Variants in OXLD1 observed in about 807,000 individuals in gnomAD.
The protein encoded by OXLD1 is oxidoreductase like domain containing 1, also known as oxidoreductase-like domain-containing protein 1.
In OXLD1, 4 loss-of-function variants were observed where a neutral mutation model predicts 3.1. The observed-to-expected ratio is 1.28, with a 90% CI of 0.63 to 2.92. The LOEUF (loss-of-function observed/expected upper bound fraction) is 2.92. Among genes scored for constraint, OXLD1 ranks in the 30% most tolerant of loss-of-function variants. The pLI is 0.01. For missense variants in OXLD1, 240 were observed against 204.6 expected, an observed-to-expected ratio of 1.17 and a Z score of -1.05; for synonymous variants, 100 against 87.0, an observed-to-expected ratio of 1.15 and a Z score of -0.83.
rs780016417 is a variant in OXLD1, at chr17:81,666,560, C to T, written c.18G>A (p.Val6=). The T allele has an allele frequency of 7.3e-6, 11 of 1,502,142 alleles. No individual in the cohort carries two copies. The highest frequency in any genetic ancestry group is 1.8e-6 in the Non-Finnish European group (2 of 1,131,942). The allele number at this position is 1,502,142 out of a possible 1,614,324, so 93.1% of individuals were successfully genotyped here. Residue 6 remains valine (V), a synonymous_variant, in exon 1 of 2, where the codon GTG becomes GTA. Coordinates refer to ENST00000374741, the MANE Select transcript of OXLD1 (RefSeq NM_001039842.3). ...CGGCTACCGCCCGGCCTCCCTCGAC[C>T]ACCCTCCGCAGCAGCATCGCCCGCG... MLLRR[V]VEGGRAVAAA...
At chr17:81,666,459 C>G in intron 1 of OXLD1, 59 bp downstream of exon 1, 2 of 1,514,156 alleles carry the variant, frequency 1.3e-6, no homozygotes, top group East Asian at 2.6e-5. Flanking sequence ...TGCGGGCCCC[C>G]GGACAGCGGC....
chr17:81,665,310 TG>T lies in OXLD1; in HGVS notation c.334del (p.Gln112ArgfsTer71). ...EYADRLLQHF[Q>X]DGGERALAAL... ...AGCCAGGGCCCGCTCCCCACCGTCC[TG>T]GAAGTGCTGCAGCAGCCTGTCCGCG... On this transcript the variant is annotated frameshift_variant, in exon 2 of 2. Coordinates refer to ENST00000374741, the MANE Select transcript of OXLD1 (RefSeq NM_001039842.3). LOFTEE classifies it high-confidence loss of function. 6.2e-7 allele frequency: 1 copy of T among 1,613,508 alleles called. No individual in the cohort carries two copies. Among genetic ancestry groups the T allele is most frequent in the East Asian group, 2.2e-5 (1 of 44,870 alleles).
chr17:81,665,418 G>C lies in OXLD1; in HGVS notation c.227C>G (p.Pro76Arg). The C allele has an allele frequency of 2.5e-6, 4 of 1,613,502 alleles. No homozygotes were observed. The highest frequency in any genetic ancestry group is 3.4e-6 in the Non-Finnish European group (4 of 1,180,032). ...GAGCTCAGGTGGCAGCGATGCCTTG[G>C]GCGGCCTGGTGCCGTCCGCACCTGC... The part of the protein sequence containing the change: ...SQAGADGTRP[P>R]KASLPPELQP... Residue 76 changes from proline (P) to arginine (R), a missense_variant, in exon 2 of 2, where the codon CCC becomes CGC. Coordinates refer to ENST00000374741, the MANE Select transcript of OXLD1 (RefSeq NM_001039842.3).
intron 1 of OXLD1, 199 bp from the exon 2 acceptor site, chr17:81,665,783 T>C: frequency 1.6e-6 from 1 of 628,708 alleles, no homozygotes; most frequent in Admixed American, 3.3e-5. Flanking sequence ...GTCATGGGTA[T>C]GACACGGTGT....
At chr17:81,665,628 G>A (rs768934605) in intron 1 of OXLD1, 44 bp from the exon 2 acceptor site, 1 of 1,534,404 alleles carries the variant, frequency 6.5e-7, no homozygotes, top group South Asian at 1.2e-5. Context: ...AAGCTGGTGA[G>A]GCCCGGTCTA....
In OXLD1 at chr17:81,665,273, C is replaced by T; in HGVS notation, c.372G>A (p.Glu124=). ...GGERALAALE[E]HVADENLKAF... is the part of the protein sequence containing the mutation. ...CCTTGAGGTTCTCATCAGCCACGTG[C>T]TCCTCCAGGGCAGCCAGGGCCCGCT... Residue 124 remains glutamate (E), a synonymous_variant, in exon 2 of 2, where the codon GAG becomes GAA. Coordinates refer to ENST00000374741, the MANE Select transcript of OXLD1 (RefSeq NM_001039842.3). 1 of 1,613,636 alleles carries T rather than the reference C, an allele frequency of 6.2e-7. No homozygotes were observed. Among genetic ancestry groups the T allele is most frequent in the Non-Finnish European group, 8.5e-7 (1 of 1,180,028 alleles).
rs1218208476 is a variant in OXLD1, at chr17:81,665,299, C to G, written c.346G>C (p.Glu116Gln). The G allele has an allele frequency of 1.2e-6, 2 of 1,613,558 alleles. No homozygotes were observed. Among genetic ancestry groups the G allele is most frequent in the Non-Finnish European group, 1.7e-6 (2 of 1,180,024 alleles). The change falls in exon 2 of 2, where the codon GAG becomes CAG. Residue 116 changes from glutamate (E) to glutamine (Q), a missense_variant. Coordinates refer to ENST00000374741, the MANE Select transcript of OXLD1 (RefSeq NM_001039842.3). Reference protein sequence around the residue: ...RLLQHFQDGGERALAALEEHV... With the variant: ...RLLQHFQDGGQRALAALEEHV... ...TCCTCCAGGGCAGCCAGGGCCCGCTCCCCACCGTCCTGGAAGTGCTGCAGC... is the reference window on the plus strand; with the variant it reads ...TCCTCCAGGGCAGCCAGGGCCCGCTGCCCACCGTCCTGGAAGTGCTGCAGC...
rs531995903 is a variant in OXLD1, at chr17:81,665,461, C to T, written c.184G>A (p.Val62Ile). The T allele has an allele frequency of 5.6e-6, 9 of 1,613,338 alleles. No homozygotes were observed. Among genetic ancestry groups the T allele is most frequent in the Non-Finnish European group, 6.8e-6 (8 of 1,180,036 alleles). Residue 62 changes from valine (V) to isoleucine (I), a missense_variant, in exon 2 of 2, where the codon GTA (valine) becomes ATA (isoleucine). Val to Ile is a conservative substitution (Grantham distance 29, BLOSUM62 3). Coordinates refer to ENST00000374741, the MANE Select transcript of OXLD1 (RefSeq NM_001039842.3). ...GCACCTGCTTGGGAGCCCACCTCTA[C>T]GTGGTCTGTCCCGAATTTTCTGCGC... is the stretch of plus-strand genomic sequence containing the variant. ...DGRRKFGTDHVEVGSQAGADG... is the reference protein window; with the variant it reads ...DGRRKFGTDHIEVGSQAGADG...
intron 1 of OXLD1, chr17:81,665,983 CTCTGAGGGA>C (rs1370000849): frequency 7.9e-6 from 3 of 380,788 alleles, no homozygotes; most frequent in Admixed American, 4.3e-5. Flanking sequence ...GCCCCACCAC[CTCTGAGGGA>C]CCAACCGGAA....
chr17:81,665,926 A>G (rs1294473122), intron 1 of OXLD1: 3 of 394,736 alleles, frequency 7.6e-6, no homozygotes, highest in Non-Finnish European at 1.4e-5. Flanking sequence ...GAGAGGTGTA[A>G]CCCTGTAAGC....
chr17:81,665,411 T>C lies in OXLD1; in HGVS notation c.234A>G (p.Ala78=). ...GCGGCTGGAGCTCAGGTGGCAGCGA[T>C]GCCTTGGGCGGCCTGGTGCCGTCCG... The part of the protein sequence containing the change: ...AGADGTRPPK[A]SLPPELQPPT... Residue 78 remains alanine, a synonymous_variant, in exon 2 of 2, where the codon GCA becomes GCG. Coordinates refer to ENST00000374741, the MANE Select transcript of OXLD1 (RefSeq NM_001039842.3). 1 of 1,613,564 alleles carries C rather than the reference T, an allele frequency of 6.2e-7. No individual in the cohort carries two copies. Among genetic ancestry groups the C allele is most frequent in the Non-Finnish European group, 8.5e-7 (1 of 1,180,032 alleles).
Position 81,666,563 on chromosome 17 carries a change from C to T in OXLD1, c.15G>A (p.Arg5=). 3 of 1,498,232 alleles carry T rather than the reference C, an allele frequency of 2.0e-6. No homozygotes were observed. The highest frequency in any genetic ancestry group is 2.2e-4 in the Middle Eastern group (1 of 4,568). 92.8% of individuals were successfully genotyped at this position (1,498,232 alleles called of 1,614,324 possible). A position where few individuals can be genotyped will look rare whatever the true frequency, so the allele number is the denominator to read the frequency against. MLLR[R]VVEGGRAVAA... ...CTACCGCCCGGCCTCCCTCGACCACCCTCCGCAGCAGCATCGCCCGCGGAC... is the reference window on the plus strand; with the variant it reads ...CTACCGCCCGGCCTCCCTCGACCACTCTCCGCAGCAGCATCGCCCGCGGAC... Residue 5 remains arginine (R), a synonymous_variant, in exon 1 of 2, where the codon AGG becomes AGA. Transcript: ENST00000374741.
At position 81,665,354 on chromosome 17, in the gene OXLD1, G is replaced by C; in HGVS notation, c.291C>G (p.Asn97Lys). Reference sequence around the variant, plus strand: ...TGTCCGCGTACTCCACCCACACGCAGTTGGGGCAGCCACTCATGCAGCAGT... The same window carrying C: ...TGTCCGCGTACTCCACCCACACGCACTTGGGGCAGCCACTCATGCAGCAGT... ...PTNCCMSGCP[N>K]CVWVEYADRL... The change falls in exon 2 of 2, where the codon AAC becomes AAG. Residue 97 changes from asparagine (N) to lysine (K), a missense_variant. Physicochemically the swap from Asn to Lys is moderately conservative, Grantham distance 94. Transcript: ENST00000374741. 6.2e-7 allele frequency: 1 copy of C among 1,613,502 alleles called. No homozygotes were observed. The highest frequency in any genetic ancestry group is 8.5e-7 in the Non-Finnish European group (1 of 1,180,034).
At chr17:81,666,235 G>C (rs945728060) in intron 1 of OXLD1, 6 of 487,764 alleles carry the variant, frequency 1.2e-5, no homozygotes, top group Non-Finnish European at 1.5e-5. Flanking sequence ...CTCGCACACA[G>C]GCGCTCGGCA....
In OXLD1 at chr17:81,665,040, G is replaced by T; in HGVS notation, c.*161C>A. The T allele has an allele frequency of 9.9e-7, 1 of 1,013,252 alleles. No individual in the cohort carries two copies. Among genetic ancestry groups the T allele is most frequent in the Non-Finnish European group, 1.4e-6 (1 of 729,848 alleles). The allele number at this position is 1,013,252 out of a possible 1,614,324, so 62.8% of individuals were successfully genotyped here. On this transcript the variant is annotated 3_prime_UTR_variant, in exon 2 of 2. Coordinates refer to ENST00000374741, the MANE Select transcript of OXLD1 (RefSeq NM_001039842.3). Reference sequence around the variant, plus strand: ...ACCACCCCCAAAACAAAAACCTCCTGTGAAACCACCATAGAGAATTTATTT... The same window carrying T: ...ACCACCCCCAAAACAAAAACCTCCTTTGAAACCACCATAGAGAATTTATTT...
chr17:81,666,531 G>T lies in OXLD1; in HGVS notation c.47C>A (p.Ala16Glu). The change falls in exon 1 of 2, where the codon GCG (alanine) becomes GAG (glutamate). Residue 16 changes from alanine (A) to glutamate (E), a missense_variant. By Grantham distance (107) the Ala-to-Glu change is moderately radical (BLOSUM62 -1). Coordinates refer to ENST00000374741, the MANE Select transcript of OXLD1 (RefSeq NM_001039842.3). ...VVEGGRAVAAAVRGSGARRFS... is the reference protein window; with the variant it reads ...VVEGGRAVAAEVRGSGARRFS... Reference sequence around the variant, plus strand: ...CCTGGTACTTGCCGAGCCACGGACCGCGGCGGCTACCGCCCGGCCTCCCTC... The same window carrying T: ...CCTGGTACTTGCCGAGCCACGGACCTCGGCGGCTACCGCCCGGCCTCCCTC... 1 of 1,523,938 alleles carries T rather than the reference G, an allele frequency of 6.6e-7. No homozygotes were observed. Among genetic ancestry groups the T allele is most frequent in the Admixed American group, 2.0e-5 (1 of 50,228 alleles). 94.4% of individuals were successfully genotyped at this position (1,523,938 alleles called of 1,614,324 possible). A position where few individuals can be genotyped will look rare whatever the true frequency, so the allele number is the denominator to read the frequency against.
intron 1 of OXLD1, 127 bp downstream of exon 1, chr17:81,666,391 G>T: frequency 8.6e-7 from 1 of 1,164,748 alleles, no homozygotes; most frequent in South Asian, 1.5e-5. Context: ...GCCAGCGCGC[G>T]ATCCTCCCGG....
In OXLD1 at chr17:81,666,506, C is replaced by CCTG; in HGVS notation, c.60+9_60+11dup. The CCTG allele has an allele frequency of 6.5e-7, 1 of 1,527,840 alleles. No individual in the cohort carries two copies. The allele number at this position is 1,527,840 out of a possible 1,614,324, so 94.6% of individuals were successfully genotyped here. On this transcript the variant is annotated intron_variant, in intron 1 of 1. Transcript: ENST00000374741. The stretch of plus-strand genomic sequence containing the variant: ...GCCCTTCGGCGCTGCCAAGACCCGT[C>CCTG]CTGGTACTTGCCGAGCCACGGACCG...
At chr17:81,666,236 G>C (rs1433789042) in intron 1 of OXLD1, 1 of 487,828 alleles carries the variant, frequency 2.0e-6, no homozygotes, top group Admixed American at 4.1e-5. Context: ...TCGCACACAG[G>C]CGCTCGGCAG....
Sources: gnomAD v4.1 joint callset for allele counts on GRCh38, gnomAD v4.1.1 for gene constraint, MANE v1.5 for transcripts, NCBI Gene and HGNC (gene_info 2026-07-23, HGNC 2026-07-21) for gene names.